The following ARRDC1 variants were observed in gnomAD, a reference collection of about 807,000 sequenced individuals.
The protein encoded by ARRDC1 is arrestin domain-containing protein 1.
ARRDC1 carries 37 observed loss-of-function variants against 40.1 expected under a neutral mutation model. The observed-to-expected ratio is 0.92, with a 90% CI of 0.71 to 1.21. The LOEUF (loss-of-function observed/expected upper bound fraction) is 1.21. ARRDC1 is among the 50% of genes most tolerant of loss of function. The probability of loss-of-function intolerance (pLI) is 0.00; values close to 1 mark genes in which losing one functional copy is unlikely to be tolerated. For synonymous variants in ARRDC1, 310 were observed against 262.5 expected (o/e 1.18, Z -1.75); for missense variants, 641 against 581.9 (o/e 1.10, Z -1.04).
In ARRDC1 at chr9:137,614,973, G is replaced by C. The variant is rs953113345; in HGVS notation, c.1210G>C (p.Glu404Gln). ...PTTSTLILPP[E>Q]YSSWGYPYEA... is the part of the protein sequence containing the mutation. ...TACCAGCACCTTGATTCTTCCTCCAGAGTACAGTTCTTGGGGCTACCCCTA... is the reference window on the plus strand; with the variant it reads ...TACCAGCACCTTGATTCTTCCTCCACAGTACAGTTCTTGGGGCTACCCCTA... Residue 404 changes from glutamate to glutamine, a missense_variant, in exon 7 of 8, where the codon GAG becomes CAG. Coordinates refer to ENST00000371421, the MANE Select transcript of ARRDC1 (RefSeq NM_152285.4). 2 of 1,613,822 alleles carry C rather than the reference G, an allele frequency of 1.2e-6. No homozygotes were observed. Among genetic ancestry groups the C allele is most frequent in the Non-Finnish European group, 8.5e-7 (1 of 1,179,960 alleles).
intron 1 of ARRDC1, among the ~76,000 whole-genome samples, chr9:137,606,358 G>C (rs916693953): frequency 6.6e-5 from 10 of 152,332 alleles, no homozygotes; most frequent in Middle Eastern, 3.4e-3. Context: ...GCCGCTGGCA[G>C]GGCGCCCTGG....
intron 2 of ARRDC1, 104 bp downstream of exon 2, chr9:137,613,110 C>A (rs1273279478): frequency 2.1e-6 from 2 of 933,662 alleles, no homozygotes; most frequent in East Asian, 2.6e-5. Context: ...CCTCTTGGAT[C>A]TGGCACTGGC....
At chr9:137,606,975 G>A (rs982244371) in intron 1 of ARRDC1, among the ~76,000 whole-genome samples, 1 of 152,200 alleles carries the variant, frequency 6.6e-6, no homozygotes, top group Non-Finnish European at 1.5e-5. Context: ...ACTGGCCTGG[G>A]TGTGCAGGCT....
chr9:137,614,227 G>A lies in ARRDC1; in HGVS notation c.618+13G>A, dbSNP rs748195845. On this transcript the variant is annotated intron_variant, in intron 5 of 7. Transcript: ENST00000371421. ...CAGTCTGCTGCAGGTCAGAGCCCCC[G>A]CCAGTTGCCTGGACCGGCCTCCTGG... The A allele has an allele frequency of 7.0e-5, 111 of 1,583,116 alleles. No individual in the cohort carries two copies. Among genetic ancestry groups the A allele is most frequent in the Non-Finnish European group, 9.0e-5 (105 of 1,160,916 alleles).
chr9:137,615,346 C>T lies in ARRDC1; in HGVS notation c.*208C>T. On this transcript the variant is annotated 3_prime_UTR_variant, in exon 8 of 8. Transcript: ENST00000371421. ...GGAGAGACAACTCCTGTAAATAAAA[C>T]ACTTTATTTGTAGAGCTGGGCCTCA... 1.8e-6 allele frequency: 1 copy of T among 561,474 alleles called. No individual in the cohort carries two copies. The highest frequency in any genetic ancestry group is 3.0e-5 in the South Asian group (1 of 33,192). The allele number at this position is 561,474 out of a possible 1,614,324, so 34.8% of individuals were successfully genotyped here. A position where few individuals can be genotyped will look rare whatever the true frequency, so the allele number is the denominator to read the frequency against.
intron 1 of ARRDC1, chr9:137,612,495 G>C (rs1309503127): frequency 4.4e-6 from 1 of 228,022 alleles, no homozygotes; most frequent in Non-Finnish European, 8.7e-6. Flanking sequence ...CTGCCTGACT[G>C]ACTTGTCCAC....
Position 137,614,672 on chromosome 9 carries a change from CCCACCCCTGGTGGTGCCTTCCGCA to C in ARRDC1, c.917_940del (p.Leu306_Pro313del), listed in dbSNP as rs773910176. 16 of 1,612,390 alleles carry C rather than the reference CCCACCCCTGGTGGTGCCTTCCGCA, an allele frequency of 9.9e-6. No individual in the cohort carries two copies. The East Asian group carries it at 1.1e-4, about 11-fold the overall frequency. ...CAGGCCTGGGGCTGCCTCCTGGGGC[CCCACCCCTGGTGGTGCCTTCCGCA>C]CCACCCCAGGAGGAGGCTGAGGCTG... is the stretch of plus-strand genomic sequence containing the variant. On this transcript the variant is annotated inframe_deletion, in exon 7 of 8. Coordinates refer to ENST00000371421, the MANE Select transcript of ARRDC1 (RefSeq NM_152285.4).
At chr9:137,609,129 T>C (rs1842470648) in intron 1 of ARRDC1, among the ~76,000 whole-genome samples, 1 of 152,206 alleles carries the variant, frequency 6.6e-6, no homozygotes, top group African/African-American at 2.4e-5. Context: ...CAGGTAAAAT[T>C]ACAGTAGACC....
chr9:137,607,661 G>A (rs1172985495), intron 1 of ARRDC1, among the ~76,000 whole-genome samples: 3 of 152,222 alleles, frequency 2.0e-5, no homozygotes, highest in Non-Finnish European at 2.9e-5. Flanking sequence ...TCAGCGCCCT[G>A]GCAAGTGGCA....
chr9:137,612,823 AT>A (rs1842557125), intron 1 of ARRDC1, 72 bp from the exon 2 acceptor site: 1 of 1,249,356 alleles, frequency 8.0e-7, no homozygotes, highest in Non-Finnish European at 1.1e-6. Flanking sequence ...CCCAGGTCGA[AT>A]TCCTGTGCTG....
At chr9:137,609,452 TGGAA>T (rs1170267441) in intron 1 of ARRDC1, among the ~76,000 whole-genome samples, 4 of 152,112 alleles carry the variant, frequency 2.6e-5, no homozygotes, top group African/African-American at 4.8e-5. Context: ...CAGGCGGGCC[TGGAA>T]CTCCGAACCT....
chr9:137,614,531 C>T (rs1361171837), intron 6 of ARRDC1, 28 bp from the exon 7 acceptor site: 3 of 1,612,944 alleles, frequency 1.9e-6, no homozygotes, highest in African/African-American at 2.7e-5. Flanking sequence ...GGCCCTGGCC[C>T]CTCATGCCCC....
intron 1 of ARRDC1, among the ~76,000 whole-genome samples, chr9:137,606,263 C>G (rs1418121014): frequency 6.6e-6 from 1 of 152,120 alleles, no homozygotes; most frequent in Admixed American, 6.5e-5. Flanking sequence ...CCCTGCGCCC[C>G]CTGCCACCCG....
chr9:137,614,199 GGCCAGTCTGCTGCAGGTCAGAGCCCCC>G lies in ARRDC1; in HGVS notation c.610_618+18del. 6 of 1,599,076 alleles carry G rather than the reference GGCCAGTCTGCTGCAGGTCAGAGCCCCC, an allele frequency of 3.8e-6. No homozygotes were observed. The highest frequency in any genetic ancestry group is 4.3e-6 in the Non-Finnish European group (5 of 1,169,656). Reference sequence around the variant, plus strand: ...CAGGCAAGGACACCAGCCCTGTGGTGGCCAGTCTGCTGCAGGTCAGAGCCCCCGCCAGTTGCCTGGACCGGCCTCCTG... The same window carrying G: ...CAGGCAAGGACACCAGCCCTGTGGTGGCCAGTTGCCTGGACCGGCCTCCTG... On this transcript the variant is annotated splice_donor_variant and splice_donor_5th_base_variant and coding_sequence_variant and intron_variant, in exon 5 of 8. Coordinates refer to ENST00000371421, the MANE Select transcript of ARRDC1 (RefSeq NM_152285.4). LOFTEE classifies it high-confidence loss of function.
At position 137,605,697 on chromosome 9, in the gene ARRDC1, G is replaced by A; in HGVS notation, c.-21G>A. The A allele has an allele frequency of 7.5e-7, 1 of 1,333,696 alleles. No homozygotes were observed. Among genetic ancestry groups the A allele is most frequent in the South Asian group, 1.8e-5 (1 of 56,842 alleles). 82.6% of individuals were successfully genotyped at this position (1,333,696 alleles called of 1,614,324 possible). ...CGGCGGGCGGGGGCGTCGCTGCGCG[G>A]CTGGCCGGTGAGGCCGCGGCATGGG... is the stretch of plus-strand genomic sequence containing the variant. On this transcript the variant is annotated 5_prime_UTR_variant, in exon 1 of 8. Coordinates refer to ENST00000371421, the MANE Select transcript of ARRDC1 (RefSeq NM_152285.4).
rs754766069 is a variant in ARRDC1 at position 137,605,748 on chromosome 9, C to A, written c.31C>A (p.Leu11Met). 52 of 1,380,926 alleles carry A rather than the reference C, an allele frequency of 3.8e-5. No individual in the cohort carries two copies. The highest frequency in any genetic ancestry group is 4.5e-5 in the Non-Finnish European group (48 of 1,063,696). The allele number at this position is 1,380,926 out of a possible 1,614,324, so 85.5% of individuals were successfully genotyped here. A position where few individuals can be genotyped will look rare whatever the true frequency, so the allele number is the denominator to read the frequency against. The change falls in exon 1 of 8, where the codon CTG (leucine) becomes ATG (methionine). Residue 11 changes from leucine (L) to methionine (M), a missense_variant. By Grantham distance (15) the Leu-to-Met change is conservative. Coordinates refer to ENST00000371421, the MANE Select transcript of ARRDC1 (RefSeq NM_152285.4). The stretch of plus-strand genomic sequence containing the variant: ...GCGAGTGCAGCTCTTCGAGATCAGC[C>A]TGAGCCACGGCCGCGTCGTCTACAG... MGRVQLFEISLSHGRVVYSPG... is the reference protein window; with the variant it reads MGRVQLFEISMSHGRVVYSPG...
chr9:137,613,419 T>G, intron 2 of ARRDC1, 41 bp from the exon 3 acceptor site: 1 of 1,598,380 alleles, frequency 6.3e-7, no homozygotes, highest in Non-Finnish European at 8.5e-7. Flanking sequence ...TCAGGCCACC[T>G]CAGGGGGGGA....
At chr9:137,610,798 G>C (rs1842501814) in intron 1 of ARRDC1, among the ~76,000 whole-genome samples, 1 of 151,948 alleles carries the variant, frequency 6.6e-6, no homozygotes, top group South Asian at 2.1e-4. Flanking sequence ...CCTGACCTCA[G>C]GTGATCTGCC....
chr9:137,609,830 C>T lies in ARRDC1; in HGVS notation c.119-3066C>T, dbSNP rs190139724. Among the ~76,000 whole-genome samples, 161 of 151,436 alleles carry T rather than the reference C, an allele frequency of 1.1e-3. 2 individuals are homozygous for T. Among genetic ancestry groups the T allele is most frequent in the Admixed American group, 5.1e-3 (77 of 15,186 alleles). On this transcript the variant is annotated intron_variant, in intron 1 of 7. Transcript: ENST00000371421. ...CGTGAGCCACTGCGCCCAGCTGTGT[C>T]GAGACATTTAATATTTGTCAATCTG...
Sources: allele counts gnomAD v4.1 joint callset (sites outside exome capture counted in the v4.1 genomes callset), GRCh38; gene constraint gnomAD v4.1.1; transcripts MANE v1.5; gene names NCBI Gene and HGNC (gene_info 2026-07-23, HGNC 2026-07-21).